The following PPARD variants were observed in gnomAD, a reference collection of about 807,000 sequenced individuals.
PPARD encodes peroxisome proliferator-activated receptor delta.
A neutral mutation model predicts 39.5 loss-of-function variants in PPARD; 6 were observed. The ratio of observed to expected loss-of-function variants is 0.15; its 90% CI spans 0.08 to 0.30. The LOEUF is 0.30. PPARD is among the 10% of genes least tolerant of loss of function. PPARD has a pLI of 1.00. For synonymous variants in PPARD, 210 were observed against 231.3 expected, an observed-to-expected ratio of 0.91 and a Z score of 0.83; for missense variants, 397 against 596.8, an observed-to-expected ratio of 0.67 and a Z score of 3.49.
At chr6:35,404,305 T>C (rs9658128) in intron 2 of PPARD, among the ~76,000 whole-genome samples, 1,565 of 152,330 alleles carry the variant, frequency 0.01, 6 homozygotes, top group Middle Eastern at 0.024. Context: ...TAATAGTACC[T>C]GCCTCTTAGG....
At chr6:35,400,007 A>G (rs1357963553) in intron 2 of PPARD, among the ~76,000 whole-genome samples, 1 of 152,174 alleles carries the variant, frequency 6.6e-6, no homozygotes, top group African/African-American at 2.4e-5. Flanking sequence ...TATAGGGTCA[A>G]AGAACGTGAA....
intron 5 of PPARD, among the ~76,000 whole-genome samples, chr6:35,423,479 G>C (rs1766338982): frequency 6.6e-6 from 1 of 151,624 alleles, no homozygotes; most frequent in East Asian, 1.9e-4. Flanking sequence ...GTTGCAGTGA[G>C]CCGAGATCGT....
chr6:35,396,910 C>A (rs142141835), intron 2 of PPARD, among the ~76,000 whole-genome samples: 98 of 152,242 alleles, frequency 6.4e-4, no homozygotes, highest in Non-Finnish European at 1.3e-3. Context: ...ATCCTCCCAT[C>A]TCAACCTCCC....
chr6:35,352,047 G>A (rs1225039374), intron 2 of PPARD, among the ~76,000 whole-genome samples: 1 of 150,908 alleles, frequency 6.6e-6, no homozygotes, highest in Non-Finnish European at 1.5e-5. Context: ...TTTTTAACTT[G>A]TTGTAGAGAT....
chr6:35,374,383 C>T (rs907392229), intron 2 of PPARD, among the ~76,000 whole-genome samples: 12 of 151,708 alleles, frequency 7.9e-5, no homozygotes, highest in African/African-American at 2.9e-4. Context: ...ATGGGCCAGG[C>T]GCGGTGGCTC....
At chr6:35,422,753 C>T (rs1227109740) in intron 5 of PPARD, among the ~76,000 whole-genome samples, 3 of 152,086 alleles carry the variant, frequency 2.0e-5, no homozygotes, top group East Asian at 1.9e-4. Flanking sequence ...TAGGAAATCT[C>T]GGAACTGACT....
rs1053049 is a variant in PPARD, at chr6:35,427,841, C to T, written c.*1762C>T. On this transcript the variant is annotated 3_prime_UTR_variant, in exon 8 of 8. Coordinates refer to ENST00000360694, the MANE Select transcript of PPARD (RefSeq NM_006238.5). Reference sequence around the variant, plus strand: ...TGGAAGTGCCCAGCCCCTGCCCCTACGGGCGCTGCAGCCTCCCTTCCATGC... The same window carrying T: ...TGGAAGTGCCCAGCCCCTGCCCCTATGGGCGCTGCAGCCTCCCTTCCATGC... 0.66 allele frequency: 101,171 copies of T among 152,818 alleles called. 36,048 individuals are homozygous for T. Among genetic ancestry groups the T allele is most frequent in the South Asian group, 0.79 (3,829 of 4,838 alleles). The allele number at this position is 152,818 out of a possible 1,614,324, so 9.5% of individuals were successfully genotyped here. A position where few individuals can be genotyped will look rare whatever the true frequency, so the allele number is the denominator to read the frequency against.
Position 35,385,655 on chromosome 6 carries a change from A to AAC in PPARD, c.-101-25331_-101-25330insCA, listed in dbSNP as rs1370491128. 1.3e-3 allele frequency among the ~76,000 whole-genome samples: 194 copies of AAC among 149,764 alleles called. 1 individual carries two copies. Among genetic ancestry groups the AAC allele is most frequent in the African/African-American group, 4.3e-3 (170 of 39,964 alleles). On this transcript the variant is annotated intron_variant, in intron 2 of 7. Coordinates refer to ENST00000360694, the MANE Select transcript of PPARD (RefSeq NM_006238.5). ...AAAAAATAAATAAATTTAAAAAAAA[A>AAC]AAAAAAAAAAAACAAATGGGTAACT...
intron 2 of PPARD, 51 bp from the exon 3 acceptor site, chr6:35,410,935 TC>T: frequency 1.6e-6 from 2 of 1,257,396 alleles, no homozygotes; most frequent in Non-Finnish European, 2.0e-6. Context: ...CGCACCATCC[TC>T]TTCCTTGTCA....
intron 2 of PPARD, among the ~76,000 whole-genome samples, chr6:35,379,648 C>T (rs1306916463): frequency 6.6e-6 from 1 of 152,230 alleles, no homozygotes; most frequent in Non-Finnish European, 1.5e-5. Flanking sequence ...CTGTCTGATG[C>T]CACTGCATGC....
At position 35,426,177 on chromosome 6, in the gene PPARD, C is replaced by A; in HGVS notation, c.*98C>A. Reference sequence around the variant, plus strand: ...ATTGACCAGCCCTTGAGCACCCGGCCTGGAGCAGCAGAGTCCCACGATCGC... The same window carrying A: ...ATTGACCAGCCCTTGAGCACCCGGCATGGAGCAGCAGAGTCCCACGATCGC... On this transcript the variant is annotated 3_prime_UTR_variant, in exon 8 of 8. Transcript: ENST00000360694. The A allele has an allele frequency of 9.4e-6, 14 of 1,495,550 alleles. No homozygotes were observed. Among genetic ancestry groups the A allele is most frequent in the Non-Finnish European group, 1.3e-5 (14 of 1,118,722 alleles). 92.6% of individuals were successfully genotyped at this position (1,495,550 alleles called of 1,614,324 possible). A position where few individuals can be genotyped will look rare whatever the true frequency, so the allele number is the denominator to read the frequency against.
At chr6:35,385,122 C>G (rs1312299416) in intron 2 of PPARD, among the ~76,000 whole-genome samples, 58 of 146,150 alleles carry the variant, frequency 4.0e-4, no homozygotes, top group African/African-American at 1.5e-3. Context: ...GCCACCACCC[C>G]GTCTGGGAGG....
chr6:35,378,493 C>T (rs1366929024), intron 2 of PPARD, among the ~76,000 whole-genome samples: 1 of 152,142 alleles, frequency 6.6e-6, no homozygotes, highest in Non-Finnish European at 1.5e-5. Flanking sequence ...CCAGAAAAAG[C>T]CACTAAATCT....
intron 2 of PPARD, among the ~76,000 whole-genome samples, chr6:35,384,961 T>G (rs1384581483): frequency 3.1e-5 from 3 of 96,822 alleles, no homozygotes; most frequent in South Asian, 3.5e-4. Flanking sequence ...GGGAGGGAGG[T>G]GGGGGGGTCA....
rs966734381 is a variant in PPARD, at chr6:35,342,902, C to T, written c.-186+221C>T. ...ATGTAGGCGCCCCGCTGACCCTGCG[C>T]CCCCCCGCCCTTGGACCCCCATAGC... On this transcript the variant is annotated intron_variant, in intron 1 of 7. Transcript: ENST00000360694. 2.8e-5 allele frequency among the ~76,000 whole-genome samples: 4 copies of T among 145,316 alleles called. No homozygotes were observed. The East Asian group carries it at 7.8e-4, about 28-fold the overall frequency.
At chr6:35,344,209 A>G (rs1034338291) in intron 1 of PPARD, among the ~76,000 whole-genome samples, 5 of 151,890 alleles carry the variant, frequency 3.3e-5, no homozygotes, top group Non-Finnish European at 7.4e-5. Flanking sequence ...TTCTGAATCT[A>G]GGGAATCCAA....
At chr6:35,377,871 C>CTTT (rs540687692) in intron 2 of PPARD, among the ~76,000 whole-genome samples, 2 of 120,338 alleles carry the variant, frequency 1.7e-5, no homozygotes, top group African/African-American at 4.4e-5. Flanking sequence ...GTTTACGTAT[C>CTTT]TTTTTTTTTT....
At chr6:35,423,834 G>T (rs1412694190) in intron 5 of PPARD, 112 bp from the exon 6 acceptor site, 4 of 971,050 alleles carry the variant, frequency 4.1e-6, no homozygotes, top group Non-Finnish European at 4.6e-6. Flanking sequence ...TAGAGCTTCT[G>T]GGGGCCTTAG....
intron 2 of PPARD, among the ~76,000 whole-genome samples, chr6:35,362,253 T>C (rs6901410): frequency 0.23 from 35,163 of 151,992 alleles, 9,045 homozygotes; most frequent in African/African-American, 0.64. Context: ...TCCGACCTCC[T>C]CTCCCATTTG....
Sources: allele counts gnomAD v4.1 joint callset (sites outside exome capture counted in the v4.1 genomes callset), GRCh38; gene constraint gnomAD v4.1.1; transcripts MANE v1.5; gene names NCBI Gene and HGNC (gene_info 2026-07-23, HGNC 2026-07-21).